The following ST3GAL3 variants were observed in gnomAD, a reference collection of about 807,000 sequenced individuals.
The protein encoded by ST3GAL3 is CMP-N-acetylneuraminate-beta-1,4-galactoside alpha-2,3-sialyltransferase.
A neutral mutation model predicts 50.1 loss-of-function variants in ST3GAL3; 21 were observed. That is an observed-to-expected ratio of 0.42 (90% CI 0.30 to 0.60). The LOEUF is 0.60. Among genes scored for constraint, ST3GAL3 ranks in the 20% least tolerant of loss-of-function variants. The pLI is 0.19. For synonymous variants in ST3GAL3, 183 were observed against 190.0 expected, an observed-to-expected ratio of 0.96 and a Z score of 0.30; for missense variants, 353 against 489.4, an observed-to-expected ratio of 0.72 and a Z score of 2.63.
At chr1:43,884,692 G>A (rs770045538) in intron 5 of ST3GAL3, among the ~76,000 whole-genome samples, 1 of 152,210 alleles carries the variant, frequency 6.6e-6, no homozygotes, top group Non-Finnish European at 1.5e-5. Flanking sequence ...ATGTGCTGTG[G>A]TCCCTGGTCT....
chr1:43,853,286 G>A (rs777843658), intron 5 of ST3GAL3, among the ~76,000 whole-genome samples: 1 of 152,226 alleles, frequency 6.6e-6, no homozygotes, highest in Non-Finnish European at 1.5e-5. Context: ...ACTAGCAGCA[G>A]TGACAGTGAT....
chr1:43,754,925 C>CA lies in ST3GAL3; in HGVS notation c.118+18556dup, dbSNP rs34096962. ...TAGGTGATAGAGCAAAACCCTGTCT[C>CA]AAAAAAAAAAACATAATAAAAGATT... is the stretch of plus-strand genomic sequence containing the variant. On this transcript the variant is annotated intron_variant, in intron 2 of 11. Coordinates refer to ENST00000347631, the MANE Select transcript of ST3GAL3 (RefSeq NM_006279.5). Among the ~76,000 whole-genome samples, 1,179 of 143,258 alleles carry CA rather than the reference C, an allele frequency of 8.2e-3. 8 individuals carry two copies. Among genetic ancestry groups the CA allele is most frequent in the African/African-American group, 0.024 (909 of 38,198 alleles). 94.0% of individuals were successfully genotyped at this position (143,258 alleles called of 152,430 possible).
chr1:43,803,089 C>A lies in ST3GAL3; in HGVS notation c.166+10940C>A, dbSNP rs1385277386. 4.6e-5 allele frequency among the ~76,000 whole-genome samples: 7 copies of A among 152,214 alleles called. No individual in the cohort carries two copies. In the East Asian group the frequency reaches 1.4e-3, roughly 29 times the overall value. ...TACAGGCACGTGCCACCACACCTGG[C>A]TAATTTTTGTATTTTTAGTAGAGAC... is the stretch of plus-strand genomic sequence containing the variant. On this transcript the variant is annotated intron_variant, in intron 3 of 11. Coordinates refer to ENST00000347631, the MANE Select transcript of ST3GAL3 (RefSeq NM_006279.5).
intron 6 of ST3GAL3, among the ~76,000 whole-genome samples, chr1:43,897,114 A>T: frequency 6.8e-6 from 1 of 146,858 alleles, no homozygotes; most frequent in Non-Finnish European, 1.5e-5. Flanking sequence ...GTGGACATTC[A>T]GCTTGCCTCC....
At chr1:43,811,719 A>G (rs969102363) in intron 3 of ST3GAL3, among the ~76,000 whole-genome samples, 4 of 152,178 alleles carry the variant, frequency 2.6e-5, no homozygotes, top group African/African-American at 9.7e-5. Flanking sequence ...CTTGTTGGGT[A>G]GGAGGTGGGC....
chr1:43,757,678 A>C (rs1470292794), intron 2 of ST3GAL3, among the ~76,000 whole-genome samples: 7 of 152,244 alleles, frequency 4.6e-5, no homozygotes, highest in African/African-American at 1.7e-4. Context: ...AAGAGCTAAG[A>C]CTAAAAAACG....
At chr1:43,911,714 G>A (rs2080962494) in intron 9 of ST3GAL3, among the ~76,000 whole-genome samples, 1 of 147,652 alleles carries the variant, frequency 6.8e-6, no homozygotes, top group African/African-American at 2.5e-5. Flanking sequence ...TTTAGACAAG[G>A]TCTGGCTATG....
At position 43,920,457 on chromosome 1, in the gene ST3GAL3, C is replaced by A; in HGVS notation, c.798C>A (p.Pro266=). The change falls in exon 10 of 12, where the codon CCC becomes CCA. Residue 266 remains proline, a synonymous_variant. Coordinates refer to ENST00000347631, the MANE Select transcript of ST3GAL3 (RefSeq NM_006279.5). ...TGGCCACTCGAGTGCCCAAGGAGCC[C>A]CCTGAGATTCGAATCCTCAACCCAT... The part of the protein sequence containing the change: ...KSVATRVPKE[P]PEIRILNPYF... 6.2e-7 allele frequency: 1 copy of A among 1,614,158 alleles called. No individual in the cohort carries two copies. Among genetic ancestry groups the A allele is most frequent in the Non-Finnish European group, 8.5e-7 (1 of 1,180,036 alleles).
chr1:43,742,971 G>T (rs1429806677), intron 2 of ST3GAL3, among the ~76,000 whole-genome samples: 1 of 151,968 alleles, frequency 6.6e-6, no homozygotes, highest in Admixed American at 6.6e-5. Flanking sequence ...GGTGGCACGT[G>T]CCTGTAGTCC....
At chr1:43,743,414 T>C in intron 2 of ST3GAL3, 1 of 289,804 alleles carries the variant, frequency 3.5e-6, no homozygotes, top group Non-Finnish European at 6.7e-6. Context: ...CAGCAACTGA[T>C]ATCTCTGGTG....
intron 5 of ST3GAL3, among the ~76,000 whole-genome samples, chr1:43,892,378 C>G (rs1056037925): frequency 1.3e-5 from 2 of 152,176 alleles, no homozygotes; most frequent in African/African-American, 4.8e-5. Context: ...CCACCTCAGC[C>G]TCCCAGATAG....
At chr1:43,726,005 A>T (rs888509564) in intron 1 of ST3GAL3, among the ~76,000 whole-genome samples, 14 of 152,078 alleles carry the variant, frequency 9.2e-5, no homozygotes, top group Middle Eastern at 3.2e-3. Context: ...CCATTAAAAA[A>T]TTTTTTTAAG....
chr1:43,828,022 A>C (rs1180837660), intron 4 of ST3GAL3, among the ~76,000 whole-genome samples: 1 of 152,248 alleles, frequency 6.6e-6, no homozygotes, highest in Admixed American at 6.5e-5. Context: ...ATCAAGATAC[A>C]ATCAAGATAG....
At chr1:43,920,666 G>C in intron 10 of ST3GAL3, 116 bp downstream of exon 10, 1 of 1,605,950 alleles carries the variant, frequency 6.2e-7, no homozygotes, top group South Asian at 1.1e-5. Context: ...CTGGGGAAGA[G>C]GGCTCAGTCC....
rs1164591069 is a variant in ST3GAL3, at chr1:43,899,479, T to C, written c.558-62T>C. On this transcript the variant is annotated intron_variant, in intron 8 of 11. Transcript: ENST00000347631. The surrounding 1 kb of genome is among the most constrained non-coding windows in gnomAD (Gnocchi z 5.4). Reference sequence around the variant, plus strand: ...TCCCTATTCTCCATGCCTGGGATAGTCTGGGGTCATGGTGCCTTCCCAAAC... The same window carrying C: ...TCCCTATTCTCCATGCCTGGGATAGCCTGGGGTCATGGTGCCTTCCCAAAC... 1.9e-6 allele frequency: 3 copies of C among 1,603,298 alleles called. No individual in the cohort carries two copies. The highest frequency in any genetic ancestry group is 3.3e-5 in the Admixed American group (2 of 59,824).
intron 2 of ST3GAL3, among the ~76,000 whole-genome samples, chr1:43,787,461 A>G (rs1484520949): frequency 6.6e-6 from 1 of 152,256 alleles, no homozygotes; most frequent in Non-Finnish European, 1.5e-5. Context: ...TCTGAAGTCA[A>G]AGCAAAATTC....
chr1:43,782,307 C>T (rs1206751336), intron 2 of ST3GAL3, among the ~76,000 whole-genome samples: 1 of 152,180 alleles, frequency 6.6e-6, no homozygotes, highest in African/African-American at 2.4e-5. Flanking sequence ...CCCCCAACAG[C>T]CTCACGTGAG....
chr1:43,821,639 T>G (rs1006116877), intron 4 of ST3GAL3, among the ~76,000 whole-genome samples: 13 of 152,082 alleles, frequency 8.5e-5, no homozygotes, highest in Non-Finnish European at 1.8e-4. Context: ...GACTGGTGAG[T>G]TGGTGACATT....
chr1:43,734,304 TTTTG>T (rs1291001013), intron 1 of ST3GAL3, among the ~76,000 whole-genome samples: 12 of 119,936 alleles, frequency 1.0e-4, no homozygotes, highest in South Asian at 7.7e-4. Context: ...CTTCTTTTTT[TTTTG>T]TTTTTTTTTT....
Sources: gnomAD v4.1 joint callset for allele counts (sites outside exome capture counted in the v4.1 genomes callset) on GRCh38, gnomAD v4.1.1 for gene constraint, Gnocchi (gnomAD v3.1) non-coding constraint, MANE v1.5 for transcripts, NCBI Gene and HGNC (gene_info 2026-07-23, HGNC 2026-07-21) for gene names.